The following PARP1 variants were observed in gnomAD, a reference collection of about 807,000 sequenced individuals.
The protein encoded by PARP1 is poly(ADP-ribose) polymerase 1, also known as poly [ADP-ribose] polymerase 1.
Under a neutral mutation model 118.7 loss-of-function variants are expected in PARP1, and 44 were observed. That is an observed-to-expected ratio of 0.37 (90% CI 0.29 to 0.48). PARP1 has a LOEUF of 0.48. Among genes scored for constraint, PARP1 ranks in the 20% least tolerant of loss-of-function variants. The pLI is 0.99. For synonymous variants in PARP1, 492 were observed against 483.2 expected, an observed-to-expected ratio of 1.02 and a Z score of -0.24; for missense variants, 1,100 against 1,272.4, an observed-to-expected ratio of 0.86 and a Z score of 2.06.
rs1350541844 is a variant in PARP1 at position 226,379,283 on chromosome 1, G to A, written c.1613-9C>T. 6 of 1,614,086 alleles carry A rather than the reference G, an allele frequency of 3.7e-6. No homozygotes were observed. In the African/African-American group the frequency reaches 8.0e-5, roughly 22 times the overall value. Reference sequence around the variant, plus strand: ...CGCAGAGTGTTCCAGTCCTGTCCCAGAGGAAAAGCACCTACAGTTTTCTCT... The same window carrying A: ...CGCAGAGTGTTCCAGTCCTGTCCCAAAGGAAAAGCACCTACAGTTTTCTCT... On this transcript the variant is annotated splice_polypyrimidine_tract_variant and intron_variant, in intron 11 of 22. Coordinates refer to ENST00000366794, the MANE Select transcript of PARP1 (RefSeq NM_001618.4).
At chr1:226,388,867 T>C in intron 4 of PARP1, 112 bp from the exon 5 acceptor site, 2 of 839,140 alleles carry the variant, frequency 2.4e-6, no homozygotes, top group South Asian at 2.7e-5. Context: ...CTGTAGGGCC[T>C]ACTCACACTT....
chr1:226,363,018 C>A, intron 21 of PARP1, 81 bp downstream of exon 21: 1 of 935,674 alleles, frequency 1.1e-6, no homozygotes, highest in Non-Finnish European at 1.8e-6. Context: ...CACAAGGCAG[C>A]CTTCTCAGGA....
At chr1:226,380,662 C>A (rs3219079) in intron 9 of PARP1, among the ~76,000 whole-genome samples, 2 of 152,118 alleles carry the variant, frequency 1.3e-5, no homozygotes, top group African/African-American at 4.8e-5. Context: ...TGCTTGAGAC[C>A]AGAAACCTTT....
chr1:226,407,936 C>G lies in PARP1; in HGVS notation c.-7G>C. On this transcript the variant is annotated 5_prime_UTR_variant, in exon 1 of 23. Transcript: ENST00000366794. Reference sequence around the variant, plus strand: ...TATCCGAAGACTCCGCCATCCTCCCCTAGCTGCCGCCAAAGCTCCGGAAGC... The same window carrying G: ...TATCCGAAGACTCCGCCATCCTCCCGTAGCTGCCGCCAAAGCTCCGGAAGC... 6.2e-7 allele frequency: 1 copy of G among 1,612,358 alleles called. No individual in the cohort carries two copies.
chr1:226,391,591 T>C (rs893910246), intron 3 of PARP1, among the ~76,000 whole-genome samples: 1 of 152,232 alleles, frequency 6.6e-6, no homozygotes, highest in Non-Finnish European at 1.5e-5. Flanking sequence ...AGCAATTCCA[T>C]GTTTTTCTTT....
intron 2 of PARP1, chr1:226,393,069 T>C: frequency 2.5e-6 from 3 of 1,217,038 alleles, no homozygotes; most frequent in Non-Finnish European, 3.3e-6. Context: ...TAGATGATTC[T>C]ATTTGATATT....
At chr1:226,387,021 T>C (rs12068649) in intron 5 of PARP1, among the ~76,000 whole-genome samples, 35,276 of 152,118 alleles carry the variant, frequency 0.23, 4,972 homozygotes, top group African/African-American at 0.39. Flanking sequence ...CTCACTCTGT[T>C]GCCCAGACTG....
In PARP1 at chr1:226,400,993, C is replaced by T. The variant is rs146473525; in HGVS notation, c.286+1221G>A. Among the ~76,000 whole-genome samples, 121 of 152,322 alleles carry T rather than the reference C, an allele frequency of 7.9e-4. No homozygotes were observed. In the Middle Eastern group the frequency reaches 0.014, roughly 17 times the overall value. ...TTGCCCTCCTGCCTCCCCTTCCTCC[C>T]TCTCTCTTGCTGCCCTAGGATTACC... On this transcript the variant is annotated intron_variant, in intron 2 of 22. Coordinates refer to ENST00000366794, the MANE Select transcript of PARP1 (RefSeq NM_001618.4).
intron 17 of PARP1, chr1:226,367,083 G>A (rs1232759895): frequency 2.1e-5 from 6 of 280,072 alleles, no homozygotes; most frequent in Non-Finnish European, 4.1e-5. Flanking sequence ...TTCCACTTCT[G>A]AAATGGACAC....
chr1:226,390,406 C>T lies in PARP1; in HGVS notation c.617+4G>A, dbSNP rs758844814. ...CCAGGGCAACCCCGCAGTGCTCCAC[C>T]CACCCTTCACTCTTGACTCCTGGGA... On this transcript the variant is annotated splice_donor_region_variant and intron_variant, in intron 4 of 22. Transcript: ENST00000366794. 33 of 1,612,992 alleles carry T rather than the reference C, an allele frequency of 2.0e-5. No homozygotes were observed. The highest frequency in any genetic ancestry group is 2.6e-5 in the Non-Finnish European group (31 of 1,179,886).
intron 17 of PARP1, 72 bp downstream of exon 17, chr1:226,367,408 C>T (rs1289971997): frequency 1.3e-6 from 2 of 1,565,782 alleles, no homozygotes; most frequent in Non-Finnish European, 1.8e-6. Context: ...GATCCTAACA[C>T]ACATGGAAGT....
chr1:226,385,572 C>T lies in PARP1; in HGVS notation c.943G>A (p.Val315Ile), dbSNP rs1664699530. 6 of 1,614,136 alleles carry T rather than the reference C, an allele frequency of 3.7e-6. No homozygotes were observed. The highest frequency in any genetic ancestry group is 5.1e-6 in the Non-Finnish European group (6 of 1,180,016). The change falls in exon 7 of 23, where the codon GTC (valine) becomes ATC (isoleucine). Residue 315 changes from valine (V) to isoleucine (I), a missense_variant. Coordinates refer to ENST00000366794, the MANE Select transcript of PARP1 (RefSeq NM_001618.4). Reference sequence around the variant, plus strand: ...ACCATACACTTGGTCCAGGCAGTGACGTCCCCAGTGCAGTAATAGGCATCG... The same window carrying T: ...ACCATACACTTGGTCCAGGCAGTGATGTCCCCAGTGCAGTAATAGGCATCG... ...KSDAYYCTGD[V>I]TAWTKCMVKT...
At chr1:226,390,344 G>A in intron 4 of PARP1, 66 bp downstream of exon 4, 1 of 1,358,780 alleles carries the variant, frequency 7.4e-7, no homozygotes, top group South Asian at 1.2e-5. Flanking sequence ...GGAACCTGTA[G>A]GGCCTTTGGG....
chr1:226,399,065 G>A (rs1664977382), intron 2 of PARP1, among the ~76,000 whole-genome samples: 1 of 148,444 alleles, frequency 6.7e-6, no homozygotes, highest in Middle Eastern at 3.2e-3. Flanking sequence ...GACAAGACAT[G>A]GAGGAATCTT....
intron 15 of PARP1, among the ~76,000 whole-genome samples, chr1:226,368,996 C>T (rs561533798): frequency 1.3e-5 from 2 of 152,322 alleles, no homozygotes; most frequent in East Asian, 1.9e-4. Flanking sequence ...CCAGCAGGTC[C>T]GAAGCCCCAC....
intron 3 of PARP1, among the ~76,000 whole-genome samples, chr1:226,391,992 A>G (rs1331639380): frequency 6.6e-6 from 1 of 152,220 alleles, no homozygotes. Flanking sequence ...GCATACATAC[A>G]TGAGAACTGG....
chr1:226,368,240 T>A lies in PARP1; in HGVS notation c.2236A>T (p.Met746Leu). The A allele has an allele frequency of 6.2e-7, 1 of 1,614,146 alleles. No homozygotes were observed. The highest frequency in any genetic ancestry group is 2.2e-5 in the East Asian group (1 of 44,882). The stretch of plus-strand genomic sequence containing the variant: ...TTGTTCAGGAGCGGAGGCTTCTTCA[T>A]CCCAAAGTCGTGGGGGATCAGGGTG... ...FYTLIPHDFG[M>L]KKPPLLNNAD... is the part of the protein sequence containing the mutation. The change falls in exon 16 of 23, where the codon ATG becomes TTG. Residue 746 changes from methionine to leucine, a missense_variant. Met to Leu is a conservative substitution (Grantham distance 15). This residue lies in a region of PARP1 where 948 missense variants were observed against 1,031.8 expected (regional missense o/e 0.92). Transcript: ENST00000366794.
intron 7 of PARP1, among the ~76,000 whole-genome samples, chr1:226,384,691 GCA>G (rs1664683325): frequency 6.6e-6 from 1 of 152,200 alleles, no homozygotes; most frequent in East Asian, 1.9e-4. Context: ...CCACTCAAAC[GCA>G]CAGAGAGAAA....
At chr1:226,376,033 G>A (rs1378181170) in intron 13 of PARP1, among the ~76,000 whole-genome samples, 1 of 152,022 alleles carries the variant, frequency 6.6e-6, no homozygotes, top group Non-Finnish European at 1.5e-5. Context: ...GGGCGCTACC[G>A]AGTCAGGCCA....
Sources: allele counts gnomAD v4.1 joint callset (sites outside exome capture counted in the v4.1 genomes callset), GRCh38; gene constraint gnomAD v4.1.1; regional missense constraint gnomAD v4.1.1; transcripts MANE v1.5; gene names NCBI Gene and HGNC (gene_info 2026-07-23, HGNC 2026-07-21).